The following SLC15A4 variants were observed in gnomAD, a reference collection of about 807,000 sequenced individuals.
The protein encoded by SLC15A4 is hPHT1.
In SLC15A4, 26 loss-of-function variants were observed where a neutral mutation model predicts 46.1. That is an observed-to-expected ratio of 0.56 (90% CI 0.41 to 0.78). SLC15A4 has a LOEUF of 0.78. Ranked by LOEUF, SLC15A4 falls within the 30% of genes least tolerant of loss-of-function variation. The probability of loss-of-function intolerance (pLI) is 0.00; values close to 1 mark genes in which losing one functional copy is unlikely to be tolerated. For synonymous variants in SLC15A4, 370 were observed against 333.4 expected (o/e 1.11, Z -1.20); for missense variants, 751 against 755.7 (o/e 0.99, Z 0.07).
chr12:128,822,214 T>C (rs1294576163), intron 1 of SLC15A4, among the ~76,000 whole-genome samples: 2 of 152,262 alleles, frequency 1.3e-5, no homozygotes, highest in African/African-American at 4.8e-5. Context: ...AGAGCTGCAG[T>C]GGTTCCTCCC....
rs534114976 is a variant in SLC15A4 at position 128,811,514 on chromosome 12, G to A, written c.843-1403C>T. On this transcript the variant is annotated intron_variant, in intron 2 of 7. Coordinates refer to ENST00000266771, the MANE Select transcript of SLC15A4 (RefSeq NM_145648.4). ...GCATTGCTCTACCTGGGGGCTAAAG[G>A]GGAGGGCTCCTGTCCTTACGGACTT... Among the ~76,000 whole-genome samples, 143 of 152,306 alleles carry A rather than the reference G, an allele frequency of 9.4e-4. 1 individual carries two copies. Among genetic ancestry groups the A allele is most frequent in the Middle Eastern group, 3.4e-3 (1 of 294 alleles).
At chr12:128,808,596 G>A (rs575499641) in intron 5 of SLC15A4, among the ~76,000 whole-genome samples, 192 bp downstream of exon 5, 20 of 152,296 alleles carry the variant, frequency 1.3e-4, no homozygotes, top group African/African-American at 4.8e-4. Flanking sequence ...GCAGAAAAAT[G>A]ACGTATCCTT....
At chr12:128,799,180 G>C in intron 7 of SLC15A4, 79 bp downstream of exon 7, 2 of 1,532,720 alleles carry the variant, frequency 1.3e-6, no homozygotes, top group Non-Finnish European at 1.8e-6. Flanking sequence ...AAACACCTCC[G>C]CTCACTCAGC....
chr12:128,811,176 AC>A (rs1717333018), intron 2 of SLC15A4, among the ~76,000 whole-genome samples: 2 of 152,242 alleles, frequency 1.3e-5, no homozygotes, highest in Non-Finnish European at 2.9e-5. Context: ...AAATGGGAAA[AC>A]AAAGTGCACA....
intron 5 of SLC15A4, 148 bp downstream of exon 5, chr12:128,808,640 T>C: frequency 1.4e-6 from 1 of 704,370 alleles, no homozygotes; most frequent in African/African-American, 1.8e-5. Flanking sequence ...AATAAAGGAT[T>C]AGTGCTGTAA....
intron 5 of SLC15A4, among the ~76,000 whole-genome samples, chr12:128,805,662 G>A (rs1955577077): frequency 6.6e-6 from 1 of 152,068 alleles, no homozygotes; most frequent in Non-Finnish European, 1.5e-5. Flanking sequence ...CCTCCGAGTA[G>A]CTGGGATTAA....
At chr12:128,805,007 C>A (rs548175491) in intron 5 of SLC15A4, among the ~76,000 whole-genome samples, 6 of 152,280 alleles carry the variant, frequency 3.9e-5, no homozygotes, top group African/African-American at 1.4e-4. Context: ...GTCAGAGGAC[C>A]AACATCAGCC....
Position 128,793,841 on chromosome 12 carries a change from G to A in SLC15A4, c.*355C>T, listed in dbSNP as rs1340665530. ...GAAGCAGGTGATACTATTTGTTTAA[G>A]AAACTGGGATGCCAACTAACACGTG... On this transcript the variant is annotated 3_prime_UTR_variant, in exon 8 of 8. Transcript: ENST00000266771. The A allele has an allele frequency of 2.3e-5, 4 of 176,714 alleles. No homozygotes were observed. Among genetic ancestry groups the A allele is most frequent in the Admixed American group, 1.2e-4 (2 of 16,008 alleles). 10.9% of individuals were successfully genotyped at this position (176,714 alleles called of 1,614,324 possible).
chr12:128,811,071 T>C (rs12816551), intron 2 of SLC15A4, among the ~76,000 whole-genome samples: 90,704 of 152,078 alleles, frequency 0.6, 27,337 homozygotes, highest in Non-Finnish European at 0.65. Context: ...TGCTTCATTA[T>C]TTAGAAAATG....
Position 128,800,986 on chromosome 12 carries a change from T to C in SLC15A4, c.1282A>G (p.Asn428Asp). The stretch of plus-strand genomic sequence containing the variant: ...TTAATGGTTTTCTCTTTAACAAGGT[T>C]CAGCCTTTTACTCTCCAAAATTCCT... Reference protein sequence around the residue: ...AAGILESKRLNLVKEKTINQT... With the variant: ...AAGILESKRLDLVKEKTINQT... Residue 428 changes from asparagine (N) to aspartate (D), a missense_variant, in exon 6 of 8, where the codon AAC becomes GAC. Transcript: ENST00000266771. 1 of 1,612,942 alleles carries C rather than the reference T, an allele frequency of 6.2e-7. No individual in the cohort carries two copies. Among genetic ancestry groups the C allele is most frequent in the South Asian group, 1.1e-5 (1 of 90,854 alleles).
At chr12:128,799,927 C>T (rs4760590) in intron 6 of SLC15A4, among the ~76,000 whole-genome samples, 4,362 of 152,096 alleles carry the variant, frequency 0.029, 126 homozygotes, top group East Asian at 0.085. Flanking sequence ...CCGCAACTTC[C>T]GCCTCCCTGG....
Position 128,800,989 on chromosome 12 carries a change from G to A in SLC15A4, c.1279C>T (p.Leu427=). ...ATGGTTTTCTCTTTAACAAGGTTCA[G>A]CCTTTTACTCTCCAAAATTCCTAGA... ...FAAGILESKR[L]NLVKEKTINQ... is the part of the protein sequence containing the mutation. Residue 427 remains leucine (L), a synonymous_variant, in exon 6 of 8, where the codon CTG becomes TTG. Coordinates refer to ENST00000266771, the MANE Select transcript of SLC15A4 (RefSeq NM_145648.4). The A allele has an allele frequency of 6.2e-7, 1 of 1,607,192 alleles. No homozygotes were observed. The highest frequency in any genetic ancestry group is 8.5e-7 in the Non-Finnish European group (1 of 1,177,478).
chr12:128,803,842 T>A (rs1531930), intron 5 of SLC15A4, among the ~76,000 whole-genome samples: 1 of 152,328 alleles, frequency 6.6e-6, no homozygotes, highest in Non-Finnish European at 1.5e-5. Flanking sequence ...CACGACGAAT[T>A]GGACAGACAC....
intron 2 of SLC15A4, chr12:128,813,615 T>A (rs1469316129): frequency 6.6e-6 from 1 of 152,158 alleles, no homozygotes; most frequent in Non-Finnish European, 1.5e-5. Context: ...GGCAGATGTG[T>A]GAGTGGGCCC....
chr12:128,813,772 G>A (rs1301214838), intron 2 of SLC15A4: 1 of 152,226 alleles, frequency 6.6e-6, no homozygotes, highest in Non-Finnish European at 1.5e-5. Flanking sequence ...TGAGGGGACT[G>A]ACTACAAAAG....
intron 7 of SLC15A4, 89 bp from the exon 8 acceptor site, chr12:128,794,445 G>C (rs1488110367): frequency 2.4e-6 from 3 of 1,259,596 alleles, no homozygotes; most frequent in Non-Finnish European, 3.3e-6. Context: ...TTCCCACTAA[G>C]GTTTAACTGG....
rs79437445 is a variant in SLC15A4 at position 128,807,849 on chromosome 12, C to G, written c.1258+939G>C. 2.9e-3 allele frequency among the ~76,000 whole-genome samples: 441 copies of G among 152,330 alleles called. 4 individuals carry two copies. The highest frequency in any genetic ancestry group is 0.01 in the African/African-American group (417 of 41,578). ...TTCTAAAATGTCCCAGTCTCTAGAA[C>G]AGAGATTTCTTAAGCCCAGGGACTA... is the stretch of plus-strand genomic sequence containing the variant. On this transcript the variant is annotated intron_variant, in intron 5 of 7. Transcript: ENST00000266771.
chr12:128,821,093 A>C (rs575087543), intron 1 of SLC15A4, among the ~76,000 whole-genome samples: 36 of 152,344 alleles, frequency 2.4e-4, no homozygotes, highest in African/African-American at 8.4e-4. Context: ...AGCAGTGCAG[A>C]TGCTGGCGCC....
intron 6 of SLC15A4, 145 bp from the exon 7 acceptor site, chr12:128,799,562 A>T (rs1482848665): frequency 1.3e-6 from 1 of 790,824 alleles, no homozygotes; most frequent in East Asian, 2.7e-5. Context: ...TTCTATTAGG[A>T]GGACGATGCT....
Sources: allele counts gnomAD v4.1 joint callset (sites outside exome capture counted in the v4.1 genomes callset), GRCh38; gene constraint gnomAD v4.1.1; transcripts MANE v1.5; gene names NCBI Gene and HGNC (gene_info 2026-07-23, HGNC 2026-07-21).